The following DCHS1 variants were observed in gnomAD, a reference collection of about 807,000 sequenced individuals.
The protein encoded by DCHS1 is protocadherin-16.
DCHS1 carries 78 observed loss-of-function variants against 213.9 expected under a neutral mutation model. The ratio of observed to expected loss-of-function variants is 0.36; its 90% CI spans 0.30 to 0.44. The LOEUF (loss-of-function observed/expected upper bound fraction) is 0.44. Ranked by LOEUF, DCHS1 falls within the 20% of genes least tolerant of loss-of-function variation. The probability of loss-of-function intolerance (pLI) is 1.00; values close to 1 mark genes in which losing one functional copy is unlikely to be tolerated. For missense variants in DCHS1, 3,946 were observed against 4,395.9 expected, an observed-to-expected ratio of 0.90 and a Z score of 2.89; for synonymous variants, 1,828 against 1,873.7, an observed-to-expected ratio of 0.98 and a Z score of 0.63.
Position 6,626,669 on chromosome 11 carries a change from C to T in DCHS1, c.6251-4G>A, listed in dbSNP as rs757235235. ...CTGGGGGAGACAATAGGAGTCCCTG[C>T]AGAAAGAACGGTATTGTTGGACTGT... is the stretch of plus-strand genomic sequence containing the variant. On this transcript the variant is annotated splice_polypyrimidine_tract_variant and splice_region_variant and intron_variant, in intron 14 of 20. Transcript: ENST00000299441. The surrounding 1 kb of genome is among the most constrained non-coding windows in gnomAD (Gnocchi z 5.2). 1.2e-6 allele frequency: 2 copies of T among 1,613,126 alleles called. No homozygotes were observed. The highest frequency in any genetic ancestry group is 2.7e-5 in the African/African-American group (2 of 74,892).
In DCHS1 at chr11:6,625,191, T is replaced by C. The variant is rs1000924980; in HGVS notation, c.7146+7A>G. The C allele has an allele frequency of 6.3e-7, 1 of 1,576,094 alleles. No homozygotes were observed. Among genetic ancestry groups the C allele is most frequent in the Non-Finnish European group, 8.6e-7 (1 of 1,159,908 alleles). On this transcript the variant is annotated splice_region_variant and intron_variant, in intron 19 of 20. Coordinates refer to ENST00000299441, the MANE Select transcript of DCHS1 (RefSeq NM_003737.4). This position sits in a 1 kb window ranked among gnomAD's most constrained non-coding sequence, Gnocchi z 5.3. ...CCAGGTGTAGGTGGATCCATGGGTG[T>C]CAATACCTGGTAGAGGCTCTGTGAG...
chr11:6,651,182 A>G (rs111944146), intron 1 of DCHS1, among the ~76,000 whole-genome samples: 2,279 of 152,336 alleles, frequency 0.015, 45 homozygotes, highest in African/African-American at 0.052. Context: ...GACAACAACG[A>G]AACACAGAGT....
At position 6,621,798 on chromosome 11, in the gene DCHS1, T is replaced by C; in HGVS notation, c.9878A>G (p.Asp3293Gly). The change falls in exon 21 of 21, where the codon GAC becomes GGC. Residue 3293 changes from aspartate (D) to glycine (G), a missense_variant. Physicochemically the swap from Asp to Gly is moderately conservative, Grantham distance 94 (BLOSUM62 -1). This residue lies in a region of DCHS1 where 554 missense variants were observed against 590.2 expected (regional missense o/e 0.94). Coordinates refer to ENST00000299441, the MANE Select transcript of DCHS1 (RefSeq NM_003737.4). Reference protein sequence around the residue: ...SAESGLEPPDDTELHI With the variant: ...SAESGLEPPDGTELHI ...CCACAGCTAGATGTGCAGCTCCGTG[T>C]CATCAGGTGGCTCCAGGCCAGACTC... The C allele has an allele frequency of 6.3e-7, 1 of 1,593,394 alleles. No homozygotes were observed. Among genetic ancestry groups the C allele is most frequent in the Non-Finnish European group, 8.5e-7 (1 of 1,170,428 alleles).
chr11:6,654,944 A>G (rs1856293002), intron 1 of DCHS1, among the ~76,000 whole-genome samples: 1 of 151,814 alleles, frequency 6.6e-6, no homozygotes, highest in Admixed American at 6.6e-5. Context: ...TATCCCAGAC[A>G]CAAACTCCCA....
At chr11:6,655,107 A>C (rs1856295784) in intron 1 of DCHS1, among the ~76,000 whole-genome samples, 1 of 151,844 alleles carries the variant, frequency 6.6e-6, no homozygotes, top group Non-Finnish European at 1.5e-5. Flanking sequence ...CCCATCCTCC[A>C]CATTCTGACA....
At chr11:6,654,994 C>G (rs931939669) in intron 1 of DCHS1, among the ~76,000 whole-genome samples, 5 of 152,006 alleles carry the variant, frequency 3.3e-5, no homozygotes, top group African/African-American at 9.7e-5. Flanking sequence ...CTGGGTGACC[C>G]CCCCCTCCAT....
At chr11:6,634,080 C>A in intron 3 of DCHS1, 38 bp downstream of exon 3, 1 of 1,599,130 alleles carries the variant, frequency 6.3e-7, no homozygotes, top group South Asian at 1.1e-5. Flanking sequence ...GAGTGCCCTA[C>A]CCCAACATCC....
chr11:6,623,144 G>A lies in DCHS1; in HGVS notation c.8532C>T (p.Ala2844=), dbSNP rs1477854083. The change falls in exon 21 of 21, where the codon GCC becomes GCT. Residue 2844 remains alanine, a synonymous_variant. Transcript: ENST00000299441. ...HVQATDEDGG[A]DGLVLYSLAT... ...CAAGGGAATACAGAACCAGGCCATCGGCACCCCCATCCTCATCTGTGGCCT... is the reference window on the plus strand; with the variant it reads ...CAAGGGAATACAGAACCAGGCCATCAGCACCCCCATCCTCATCTGTGGCCT... The A allele has an allele frequency of 6.8e-6, 11 of 1,608,756 alleles. No homozygotes were observed. The highest frequency in any genetic ancestry group is 1.7e-4 in the Middle Eastern group (1 of 6,056).
intron 1 of DCHS1, among the ~76,000 whole-genome samples, chr11:6,645,315 G>C (rs1036978601): frequency 6.6e-6 from 1 of 152,184 alleles, no homozygotes; most frequent in Non-Finnish European, 1.5e-5. Flanking sequence ...AGAGTACAAG[G>C]ATGGTTCCAG....
chr11:6,632,497 G>A lies in DCHS1; in HGVS notation c.3015C>T (p.Tyr1005=). The change falls in exon 6 of 21, where the codon TAC becomes TAT. Residue 1005 remains tyrosine, a synonymous_variant. Transcript: ENST00000299441. This position sits in a 1 kb window ranked among gnomAD's most constrained non-coding sequence, Gnocchi z 5.9. ...GLAPRFNSPT[Y]RVDLPSGTTA... Reference sequence around the variant, plus strand: ...TGGTGCCTGAGGGCAGGTCCACACGGTAGGTAGGGCTGTTGAATCGGGGAG... The same window carrying A: ...TGGTGCCTGAGGGCAGGTCCACACGATAGGTAGGGCTGTTGAATCGGGGAG... 1.3e-6 allele frequency: 2 copies of A among 1,571,374 alleles called. No individual in the cohort carries two copies. The highest frequency in any genetic ancestry group is 1.7e-6 in the Non-Finnish European group (2 of 1,156,952).
chr11:6,652,448 A>C (rs989489306), intron 1 of DCHS1, among the ~76,000 whole-genome samples: 1 of 152,220 alleles, frequency 6.6e-6, no homozygotes, highest in Non-Finnish European at 1.5e-5. Flanking sequence ...AAAAGTGAGG[A>C]AGCCTCTTAG....
intron 2 of DCHS1, 145 bp from the exon 3 acceptor site, chr11:6,634,451 C>A (rs1405827933): frequency 1.2e-6 from 1 of 864,836 alleles, no homozygotes; most frequent in African/African-American, 1.7e-5. Flanking sequence ...CCAAACCCAA[C>A]CTCAGCCTGT....
rs1391233277 is a variant in DCHS1 at position 6,627,497 on chromosome 11, C to T, written c.5542G>A (p.Ala1848Thr). The T allele has an allele frequency of 1.9e-6, 3 of 1,611,650 alleles. No homozygotes were observed. The highest frequency in any genetic ancestry group is 1.7e-5 in the Admixed American group (1 of 59,702). Residue 1848 changes from alanine to threonine, a missense_variant, in exon 14 of 21, where the codon GCC becomes ACC. By Grantham distance (58) the Ala-to-Thr change is moderately conservative. Transcript: ENST00000299441. The surrounding 1 kb of genome is among the most constrained non-coding windows in gnomAD (Gnocchi z 5.4). ...GGAAAGGCTGGAGCATGGTCATTGG[C>T]ATCCAGCACTGTCACTGTCAAAAGC... ...TLLLTVTVLD[A>T]NDHAPAFPVP...
Position 6,630,440 on chromosome 11 carries a change from C to G in DCHS1, c.4354G>C (p.Gly1452Arg), listed in dbSNP as rs557911084. ...ALALPENPEP[G>R]AALYTFRASD... ...GCGCGGAAAGTGTACAGCGCTGCGCCGGGCTCCGGGTTCTCTGGCAGCGCC... is the reference window on the plus strand; with the variant it reads ...GCGCGGAAAGTGTACAGCGCTGCGCGGGGCTCCGGGTTCTCTGGCAGCGCC... The change falls in exon 10 of 21, where the codon GGC becomes CGC. Residue 1452 changes from glycine to arginine, a missense_variant. Physicochemically the swap from Gly to Arg is moderately radical, Grantham distance 125 (BLOSUM62 -2). Around this residue, in one of 3 missense-constraint regions of DCHS1, gnomAD observed 3,384 missense variants for 3,780.1 expected, o/e 0.90. Transcript: ENST00000299441. The G allele has an allele frequency of 4.1e-5, 61 of 1,505,754 alleles. No individual in the cohort carries two copies. In the African/African-American group the frequency reaches 5.1e-4, roughly 12 times the overall value. The allele number at this position is 1,505,754 out of a possible 1,614,324, so 93.3% of individuals were successfully genotyped here. A position where few individuals can be genotyped will look rare whatever the true frequency, so the allele number is the denominator to read the frequency against.
chr11:6,640,291 C>T lies in DCHS1; in HGVS notation c.1323G>A (p.Arg441=), dbSNP rs1215752021. Residue 441 remains arginine, a synonymous_variant, in exon 2 of 21, where the codon AGG becomes AGA. Coordinates refer to ENST00000299441, the MANE Select transcript of DCHS1 (RefSeq NM_003737.4). The surrounding 1 kb of genome is among the most constrained non-coding windows in gnomAD (Gnocchi z 6.5). ...DREERDAYNL[R]VTATDSGSPP... The stretch of plus-strand genomic sequence containing the variant: ...GTGAGCCTGAGTCTGTGGCTGTAAC[C>T]CTCAAGTTATAGGCATCCCTCTCCT... The T allele has an allele frequency of 1.2e-6, 2 of 1,607,938 alleles. No homozygotes were observed. Among genetic ancestry groups the T allele is most frequent in the East Asian group, 2.2e-5 (1 of 44,588 alleles).
chr11:6,634,410 G>A, intron 2 of DCHS1, 104 bp from the exon 3 acceptor site: 1 of 1,299,060 alleles, frequency 7.7e-7, no homozygotes, highest in South Asian at 1.6e-5. Context: ...CTGGATGGCG[G>A]ACACACAGAG....
At chr11:6,650,819 T>C (rs1267088958) in intron 1 of DCHS1, among the ~76,000 whole-genome samples, 1 of 152,202 alleles carries the variant, frequency 6.6e-6, no homozygotes, top group Non-Finnish European at 1.5e-5. Flanking sequence ...CTTCTGGTAC[T>C]TCTTAAATAT....
rs925417266 is a variant in DCHS1 at position 6,624,071 on chromosome 11, G to C, written c.7605C>G (p.Pro2535=). The change falls in exon 21 of 21, where the codon CCC becomes CCG. Residue 2535 remains proline, a synonymous_variant. Transcript: ENST00000299441. ...CACTCTCCCCAGCCTCAGCCAGCCTGGGTTCCAGCTGGAAGACTCGGCCCC... is the reference window on the plus strand; with the variant it reads ...CACTCTCCCCAGCCTCAGCCAGCCTCGGTTCCAGCTGGAAGACTCGGCCCC... ...GNWGRVFQLE[P]RLAEAGESAG... 6.2e-7 allele frequency: 1 copy of C among 1,613,028 alleles called. No homozygotes were observed. Among genetic ancestry groups the C allele is most frequent in the Non-Finnish European group, 8.5e-7 (1 of 1,179,626 alleles).
At position 6,640,823 on chromosome 11, in the gene DCHS1, A is replaced by G; in HGVS notation, c.791T>C (p.Val264Ala). ...AFNQSRYHAVVSESLAPGSPV... is the reference protein window; with the variant it reads ...AFNQSRYHAVASESLAPGSPV... ...ACTGCCAGGGGCCAGGCTCTCAGAC[A>G]CCACAGCATGGTAGCGGCTCTGATT... The change falls in exon 2 of 21, where the codon GTG becomes GCG. Residue 264 changes from valine (V) to alanine (A), a missense_variant. Coordinates refer to ENST00000299441, the MANE Select transcript of DCHS1 (RefSeq NM_003737.4). The surrounding 1 kb of genome is among the most constrained non-coding windows in gnomAD (Gnocchi z 6.5). The G allele has an allele frequency of 6.2e-7, 1 of 1,614,014 alleles. No individual in the cohort carries two copies. The highest frequency in any genetic ancestry group is 8.5e-7 in the Non-Finnish European group (1 of 1,179,890).
Sources: gnomAD v4.1 joint callset for allele counts (sites outside exome capture counted in the v4.1 genomes callset) on GRCh38, gnomAD v4.1.1 for gene constraint, gnomAD v4.1.1 regional missense constraint, Gnocchi (gnomAD v3.1) non-coding constraint, MANE v1.5 for transcripts, NCBI Gene and HGNC (gene_info 2026-07-23, HGNC 2026-07-21) for gene names.